USP42: variants seen among roughly 807,000 people sequenced by gnomAD.
USP42 encodes ubiquitin carboxyl-terminal hydrolase 42.
USP42 carries 23 observed loss-of-function variants against 113.0 expected under a neutral mutation model. The ratio of observed to expected loss-of-function variants is 0.20; its 90% confidence interval spans 0.15 to 0.29. The LOEUF is 0.29. USP42 is among the 10% of genes least tolerant of loss of function. The pLI, the probability that USP42 is intolerant of heterozygous loss-of-function variation, is 1.00. For missense variants in USP42, 2,174 were observed against 1,779.8 expected (o/e 1.22, Z -3.99); for synonymous variants, 933 against 699.0 (o/e 1.33, Z -5.28).
At chr7:6,116,938 A>C (rs1779944092) in intron 3 of USP42, 1 of 495,632 alleles carries the variant, frequency 2.0e-6, no homozygotes, top group African/African-American at 2.0e-5. Context: ...GTCCAGAATT[A>C]GGTGCCTATC....
At chr7:6,100,572 T>TG (rs1790092185), upstream of USP42, among the ~76,000 whole-genome samples, 1 of 150,896 alleles carries the variant, frequency 6.6e-6, no homozygotes, top group Non-Finnish European at 1.5e-5. Flanking sequence ...TCAGGTTATC[T>TG]GCTCATCTCA....
chr7:6,114,598 G>GTA lies in USP42; in HGVS notation c.242-718_242-717dup, dbSNP rs779693835. Among the ~76,000 whole-genome samples, 12 of 126,656 alleles carry GTA rather than the reference G, an allele frequency of 9.5e-5. No homozygotes were observed. The East Asian group carries it at 1.4e-3, about 15-fold the overall frequency. 83.1% of individuals were successfully genotyped at this position (126,656 alleles called of 152,430 possible). A position where few individuals can be genotyped will look rare whatever the true frequency, so the allele number is the denominator to read the frequency against. On this transcript the variant is annotated intron_variant, in intron 2 of 17. Coordinates refer to ENST00000306177, the MANE Select transcript of USP42 (RefSeq NM_032172.3). The stretch of plus-strand genomic sequence containing the variant: ...CATATTTCTCTGGTTGTTGTTTTAT[G>GTA]TATATATAAAATATATATACATAAA...
In USP42 at chr7:6,153,792, C is replaced by T. The variant is rs982337623; in HGVS notation, c.2238C>T (p.Arg746=). ...CAGAGAGGGGCCCTCCCGAGGACCG[C>T]GACGCCGAGCCTCAGCCTGGCAGCC... ...PGAERGPPED[R]DAEPQPGSPA... Residue 746 remains arginine (R), a synonymous_variant, in exon 15 of 18, where the codon CGC becomes CGT. Transcript: ENST00000306177. The T allele has an allele frequency of 5.3e-6, 8 of 1,503,568 alleles. No homozygotes were observed. In the Admixed American group the frequency reaches 1.2e-4, roughly 22 times the overall value. 93.1% of individuals were successfully genotyped at this position (1,503,568 alleles called of 1,614,324 possible). A position where few individuals can be genotyped will look rare whatever the true frequency, so the allele number is the denominator to read the frequency against.
the USP42 span, among the ~76,000 whole-genome samples, chr7:6,095,741 G>A: frequency 6.6e-6 from 1 of 150,894 alleles, no homozygotes; most frequent in African/African-American, 2.5e-5. Flanking sequence ...CACTTGCATG[G>A]GATCTGGCTT....
chr7:6,081,376 T>G, the USP42 span: 1 of 151,954 alleles, frequency 6.6e-6, no homozygotes, highest in Non-Finnish European at 1.5e-5. Context: ...GGGAGGTAGA[T>G]GGCGGGCGGC....
chr7:6,126,323 T>G (rs1780542005), intron 3 of USP42, among the ~76,000 whole-genome samples: 1 of 151,934 alleles, frequency 6.6e-6, no homozygotes, highest in Admixed American at 6.6e-5. Context: ...CTTGCTCTGT[T>G]GTCCAGGCTG....
chr7:6,096,482 C>T, the USP42 span, among the ~76,000 whole-genome samples: 1 of 151,218 alleles, frequency 6.6e-6, no homozygotes, highest in Admixed American at 6.6e-5. Context: ...GAAGCTATAA[C>T]TTCTCACGGG....
intron 7 of USP42, 28 bp from the exon 8 acceptor site, chr7:6,142,904 G>T (rs1781510760): frequency 1.2e-6 from 2 of 1,610,842 alleles, no homozygotes; most frequent in Non-Finnish European, 1.7e-6. Context: ...GTGCGGTGAT[G>T]TGGTGTTTGT....
chr7:6,107,316 G>A (rs1388632018), intron 1 of USP42, among the ~76,000 whole-genome samples: 3 of 151,556 alleles, frequency 2.0e-5, no homozygotes, highest in Non-Finnish European at 2.9e-5. Context: ...GAAAATTAAG[G>A]TTTTTGTTGC....
rs1213489413 is a variant in USP42, at chr7:6,155,076, TGAAAA to T, written c.3527_3531del (p.Lys1176SerfsTer14). On this transcript the variant is annotated frameshift_variant, in exon 15 of 18. Transcript: ENST00000306177. LOFTEE classifies it high-confidence loss of function. The stretch of plus-strand genomic sequence containing the variant: ...GTGTGGAGAACAGTGACAGTCATGT[TGAAAA>T]GAAAGCCCGGAGGAGCGAACAGAAG... 1 of 1,563,118 alleles carries T rather than the reference TGAAAA, an allele frequency of 6.4e-7. No individual in the cohort carries two copies. The highest frequency in any genetic ancestry group is 1.4e-5 in the African/African-American group (1 of 73,576).
At chr7:6,082,949 A>T in the USP42 span, among the ~76,000 whole-genome samples, 27 of 145,788 alleles carry the variant, frequency 1.9e-4, no homozygotes, top group African/African-American at 5.1e-4. Flanking sequence ...ATATATATAT[A>T]TATTTATTTA....
chr7:6,102,258 G>T (rs1157688947), upstream of USP42, among the ~76,000 whole-genome samples: 2 of 149,312 alleles, frequency 1.3e-5, no homozygotes, highest in East Asian at 2.0e-4. Flanking sequence ...GGGATTACAG[G>T]TGCCATCACC....
the USP42 span, chr7:6,084,533 T>C: frequency 4.0e-5 from 6 of 151,306 alleles, no homozygotes; most frequent in African/African-American, 1.5e-4. Context: ...CCAGGATATT[T>C]TTCTAAGCTG....
intron 17 of USP42, among the ~76,000 whole-genome samples, chr7:6,160,003 C>T (rs1468636202): frequency 1.3e-5 from 2 of 152,210 alleles, no homozygotes; most frequent in Non-Finnish European, 2.9e-5. Context: ...CAGGGCCGGG[C>T]GGCAGATCAG....
At chr7:6,091,100 T>A in the USP42 span, among the ~76,000 whole-genome samples, 1 of 151,106 alleles carries the variant, frequency 6.6e-6, no homozygotes, top group African/African-American at 2.5e-5. Context: ...CTTACTTCGG[T>A]TTATTGCATA....
intron 11 of USP42, among the ~76,000 whole-genome samples, chr7:6,147,284 G>A (rs1421461941): frequency 1.3e-5 from 2 of 152,022 alleles, no homozygotes; most frequent in Non-Finnish European, 2.9e-5. Context: ...GCAACAAAGC[G>A]AGACCCCATT....
chr7:6,127,639 G>A lies in USP42; in HGVS notation c.443-8202G>A, dbSNP rs191929813. ...TCTGTTCTGTTGTGATGATGTATGT[G>A]TCCACCACTCTACACAAGTCCTTGT... On this transcript the variant is annotated intron_variant, in intron 3 of 17. Coordinates refer to ENST00000306177, the MANE Select transcript of USP42 (RefSeq NM_032172.3). 1.8e-4 allele frequency among the ~76,000 whole-genome samples: 28 copies of A among 152,124 alleles called. 1 individual carries two copies. The highest frequency in any genetic ancestry group is 1.7e-3 in the Admixed American group (26 of 15,276).
intron 15 of USP42, among the ~76,000 whole-genome samples, chr7:6,156,278 C>T (rs1327470194): frequency 6.6e-6 from 1 of 152,196 alleles, no homozygotes; most frequent in Non-Finnish European, 1.5e-5. Context: ...TTAGTATTTC[C>T]TTTCCCTTCA....
chr7:6,155,113 C>G lies in USP42; in HGVS notation c.3559C>G (p.Leu1187Val), dbSNP rs776045315. Residue 1187 changes from leucine to valine, a missense_variant, in exon 15 of 18, where the codon CTA becomes GTA. Leu to Val is a conservative substitution (Grantham distance 32, BLOSUM62 1). Coordinates refer to ENST00000306177, the MANE Select transcript of USP42 (RefSeq NM_032172.3). ...KARRSEQKDP[L>V]EEPKAKKHKK... is the part of the protein sequence containing the mutation. ...CCGGAGGAGCGAACAGAAGGATCCT[C>G]TAGAAGAGCCTAAAGCAAAGAAGCA... The G allele has an allele frequency of 6.4e-7, 1 of 1,558,158 alleles. No individual in the cohort carries two copies. Among genetic ancestry groups the G allele is most frequent in the Non-Finnish European group, 8.7e-7 (1 of 1,151,160 alleles).
Sources: gnomAD v4.1 joint callset for allele counts (sites outside exome capture counted in the v4.1 genomes callset) on GRCh38, gnomAD v4.1.1 for gene constraint, MANE v1.5 for transcripts, NCBI Gene and HGNC (gene_info 2026-07-23, HGNC 2026-07-21) for gene names.